RRAGB: variants seen among roughly 807,000 people sequenced by gnomAD.
RRAGB encodes Ras related GTP binding B.
RRAGB carries 6 observed loss-of-function variants against 29.3 expected under a neutral mutation model. The ratio of observed to expected loss-of-function variants is 0.21; its 90% CI spans 0.11 to 0.40. The LOEUF is 0.40. Among genes scored for constraint, RRAGB ranks in the 10% least tolerant of loss-of-function variants. The pLI, the probability that RRAGB is intolerant of heterozygous loss-of-function variation, is 1.00. For missense variants in RRAGB, 184 were observed against 272.9 expected (o/e 0.67, Z 2.29); for synonymous variants, 101 against 92.5 (o/e 1.09, Z -0.53).
chrX:55,752,094 CT>C (rs67718377), intron 6 of RRAGB: 1,049 of 203,780 alleles, frequency 5.1e-3, no homozygotes, highest in Non-Finnish European at 6.5e-3. Flanking sequence ...ATAGCCATTG[CT>C]TTTTTTTTTT....
chrX:55,756,374 G>T (rs1252457923), intron 8 of RRAGB, among the ~76,000 whole-genome samples: 1 of 112,108 alleles, frequency 8.9e-6, no homozygotes, highest in African/African-American at 3.2e-5. Context: ...ATCACATTGT[G>T]TCAGCTATTG....
At chrX:55,752,568 C>G (rs1035050905) in intron 6 of RRAGB, among the ~76,000 whole-genome samples, 1 of 112,233 alleles carries the variant, frequency 8.9e-6, no homozygotes, top group Non-Finnish European at 1.9e-5. Context: ...AACAAGCACT[C>G]TTTACATACC....
At chrX:55,756,637 A>G (rs1311971564) in intron 8 of RRAGB, among the ~76,000 whole-genome samples, 1 of 112,798 alleles carries the variant, frequency 8.9e-6, no homozygotes, top group Non-Finnish European at 1.9e-5. Context: ...AAAGAAAAAA[A>G]GATCATTTCT....
intron 5 of RRAGB, among the ~76,000 whole-genome samples, chrX:55,733,781 C>T (rs768270457): frequency 1.0e-3 from 113 of 111,036 alleles, no homozygotes; most frequent in African/African-American, 3.3e-4. Context: ...TATGTCCTTT[C>T]GTGGCTTTGG....
At chrX:55,720,497 G>A (rs763214922) in intron 2 of RRAGB, among the ~76,000 whole-genome samples, 2 of 111,457 alleles carry the variant, frequency 1.8e-5, no homozygotes, top group African/African-American at 6.5e-5. Context: ...TTAGAAATTT[G>A]TATAAAATAT....
chrX:55,732,709 G>C (rs1192157486), intron 5 of RRAGB, among the ~76,000 whole-genome samples: 5 of 111,677 alleles, frequency 4.5e-5, no homozygotes, highest in Non-Finnish European at 7.5e-5. Flanking sequence ...CTGTCATGAA[G>C]TATTAATTAC....
chrX:55,749,798 G>A (rs1402513804), intron 5 of RRAGB, among the ~76,000 whole-genome samples: 1 of 108,040 alleles, frequency 9.3e-6, no homozygotes, highest in Non-Finnish European at 1.9e-5. Context: ...ATTAAGGGCG[G>A]TGCAAGATGT....
rs1198045352 is a variant in RRAGB, at chrX:55,718,435, T to A, written c.92+16T>A. ...GATCGCTTGGGTGGGTGAAGGGTAT[T>A]TGTGAAACCTGGAAGTGGGGGTGTT... On this transcript the variant is annotated intron_variant, in intron 1 of 9. Coordinates refer to ENST00000374941, the MANE Select transcript of RRAGB (RefSeq NM_006064.5). 1.8e-6 allele frequency: 2 copies of A among 1,086,486 alleles called. No individual in the cohort carries two copies. Among genetic ancestry groups the A allele is most frequent in the South Asian group, 2.1e-5 (1 of 48,632 alleles). 89.5% of individuals were successfully genotyped at this position (1,086,486 alleles called of 1,213,427 possible).
rs2033105908 is a variant in RRAGB at position 55,717,860 on chromosome X, G to A, written c.-468G>A. ...CTGCCCCCGCCGGCTGACTCTCCGA[G>A]CGGCCGGGCTCGGAAGCCACGAGCC... is the stretch of plus-strand genomic sequence containing the variant. On this transcript the variant is annotated 5_prime_UTR_variant, in exon 1 of 10. Coordinates refer to ENST00000374941, the MANE Select transcript of RRAGB (RefSeq NM_006064.5). 2 of 114,060 alleles carry A rather than the reference G, an allele frequency of 1.8e-5. No individual in the cohort carries two copies. The highest frequency in any genetic ancestry group is 3.2e-5 in the African/African-American group (1 of 31,283). The allele number at this position is 114,060 out of a possible 1,213,427, so 9.4% of individuals were successfully genotyped here.
chrX:55,730,821 G>A (rs751857058), intron 4 of RRAGB, among the ~76,000 whole-genome samples: 6 of 111,283 alleles, frequency 5.4e-5, no homozygotes, highest in Non-Finnish European at 1.1e-4. Context: ...ATAACTTGTG[G>A]TAAATGTTAG....
intron 1 of RRAGB, among the ~76,000 whole-genome samples, 199 bp downstream of exon 1, chrX:55,718,618 G>A (rs1302756222): frequency 1.8e-5 from 2 of 112,130 alleles, no homozygotes. Flanking sequence ...CAACCCTTGG[G>A]AAGGGGCTGA....
In RRAGB at chrX:55,718,252, AAAAC is replaced by A. The variant is rs1347671131; in HGVS notation, c.-65_-62del. ...AATAGGCAGTTGAGGGGTGAAAAAG[AAAAC>A]AAACAAACAACAACAACAAACCCTG... On this transcript the variant is annotated 5_prime_UTR_variant, in exon 1 of 10. Transcript: ENST00000374941. 5.6e-5 allele frequency: 46 copies of A among 823,237 alleles called. No homozygotes were observed. In the Middle Eastern group the frequency reaches 8.7e-4, roughly 15 times the overall value. 67.8% of individuals were successfully genotyped at this position (823,237 alleles called of 1,213,427 possible).
intron 6 of RRAGB, chrX:55,752,107 T>TTTA: frequency 2.7e-6 from 1 of 367,043 alleles, no homozygotes; most frequent in Non-Finnish European, 3.5e-6. Context: ...TTTTTTTTTT[T>TTTA]AACTAATTCA....
At chrX:55,755,239 C>CTCTG in intron 7 of RRAGB, 1 of 751,129 alleles carries the variant, frequency 1.3e-6, no homozygotes, top group Non-Finnish European at 1.6e-6. Flanking sequence ...CTACTAGACA[C>CTCTG]TCTGCATCTG....
At chrX:55,746,124 G>A (rs1320425975) in intron 5 of RRAGB, among the ~76,000 whole-genome samples, 2 of 111,286 alleles carry the variant, frequency 1.8e-5, no homozygotes, top group Non-Finnish European at 3.8e-5. Context: ...GGGGACCCAG[G>A]CTCCCCTTCA....
chrX:55,726,369 G>A (rs1253688543), intron 3 of RRAGB, among the ~76,000 whole-genome samples: 1 of 111,146 alleles, frequency 9.0e-6, no homozygotes, highest in Non-Finnish European at 1.9e-5. Context: ...GTATACAATC[G>A]TGCATATGCG....
intron 9 of RRAGB, among the ~76,000 whole-genome samples, chrX:55,757,604 A>T (rs1189645593): frequency 8.9e-6 from 1 of 112,305 alleles, no homozygotes; most frequent in Non-Finnish European, 1.9e-5. Flanking sequence ...AAAGCTTAAA[A>T]ATAATTTAGC....
At chrX:55,750,748 T>C (rs2034499748) in intron 5 of RRAGB, among the ~76,000 whole-genome samples, 1 of 112,071 alleles carries the variant, frequency 8.9e-6, no homozygotes, top group Non-Finnish European at 1.9e-5. Context: ...AATATTTTCA[T>C]TTATATATTC....
chrX:55,728,981 C>T (rs1795367126), intron 3 of RRAGB, among the ~76,000 whole-genome samples: 1 of 109,691 alleles, frequency 9.1e-6, no homozygotes, highest in South Asian at 3.9e-4. Flanking sequence ...ACAGGGAAGA[C>T]TGATTATATG....
Sources: gnomAD v4.1 joint callset for allele counts (sites outside exome capture counted in the v4.1 genomes callset) on GRCh38, gnomAD v4.1.1 for gene constraint, MANE v1.5 for transcripts, NCBI Gene and HGNC (gene_info 2026-07-23, HGNC 2026-07-21) for gene names.